Variants in C12orf50 observed in about 807,000 individuals in gnomAD.
C12orf50 encodes the protein uncharacterized protein C12orf50.
In C12orf50, 35 loss-of-function variants were observed where a neutral mutation model predicts 61.6. The observed-to-expected ratio is 0.57, with a 90% CI of 0.43 to 0.75. The LOEUF (loss-of-function observed/expected upper bound fraction) is 0.75, where lower values mean the gene tolerates loss of function less well. Among genes scored for constraint, C12orf50 ranks in the 30% least tolerant of loss-of-function variants. C12orf50 has a pLI of 0.00. For synonymous variants in C12orf50, 178 were observed against 161.5 expected (o/e 1.10, Z -0.77); for missense variants, 475 against 488.5 (o/e 0.97, Z 0.26).
chr12:88,000,731 G>T (rs1018310545), intron 3 of C12orf50, among the ~76,000 whole-genome samples: 1 of 151,318 alleles, frequency 6.6e-6, no homozygotes, highest in South Asian at 2.1e-4. Context: ...TGTAGTTTTC[G>T]AATATAAACT....
At chr12:88,022,385 C>A (rs1408729140) in intron 3 of C12orf50, among the ~76,000 whole-genome samples, 1 of 152,106 alleles carries the variant, frequency 6.6e-6, no homozygotes, top group East Asian at 1.9e-4. Context: ...GTAAAACCCA[C>A]AGCCTACATC....
intron 3 of C12orf50, among the ~76,000 whole-genome samples, chr12:88,001,100 G>A (rs2031636949): frequency 6.6e-6 from 1 of 151,622 alleles, no homozygotes; most frequent in Admixed American, 6.6e-5. Flanking sequence ...AAAGCTTTCA[G>A]TATTTCATCA....
intron 3 of C12orf50, among the ~76,000 whole-genome samples, chr12:88,023,248 G>A (rs181726984): frequency 0.081 from 12,372 of 152,052 alleles, 1,324 homozygotes; most frequent in African/African-American, 0.25. Context: ...ACAAAAATAA[G>A]AAACAGGGAG....
intron 3 of C12orf50, among the ~76,000 whole-genome samples, chr12:88,000,718 T>C (rs2136440224): frequency 6.6e-6 from 1 of 151,804 alleles, no homozygotes; most frequent in South Asian, 2.1e-4. Flanking sequence ...TTCAACAATC[T>C]TTTGTAGTTT....
At chr12:88,003,999 A>G (rs73207043) in intron 3 of C12orf50, among the ~76,000 whole-genome samples, 2,785 of 151,738 alleles carry the variant, frequency 0.018, 43 homozygotes, top group Non-Finnish European at 0.028. Flanking sequence ...TTTATCTTCA[A>G]ATCTACTGGT....
chr12:87,981,752 G>T (rs1323708321), intron 12 of C12orf50, among the ~76,000 whole-genome samples: 1 of 151,966 alleles, frequency 6.6e-6, no homozygotes, highest in Admixed American at 6.6e-5. Context: ...AGGCTCACAG[G>T]AATGTGAGAT....
chr12:87,996,246 T>C, intron 6 of C12orf50, 128 bp downstream of exon 6: 1 of 698,066 alleles, frequency 1.4e-6, no homozygotes, highest in Non-Finnish European at 2.4e-6. Context: ...ACAAACACTT[T>C]CTTCTAGTGC....
intron 3 of C12orf50, among the ~76,000 whole-genome samples, chr12:88,006,106 CAG>C (rs1847181651): frequency 6.6e-6 from 1 of 151,866 alleles, no homozygotes; most frequent in Non-Finnish European, 1.5e-5. Flanking sequence ...TTAGTAGAGA[CAG>C]GGTTTCACCG....
At chr12:88,013,141 AAG>A (rs1240341018) in intron 3 of C12orf50, among the ~76,000 whole-genome samples, 7 of 152,278 alleles carry the variant, frequency 4.6e-5, no homozygotes, top group African/African-American at 1.4e-4. Context: ...GATTTTTAAA[AAG>A]AGATTAAATA....
intron 3 of C12orf50, among the ~76,000 whole-genome samples, chr12:88,022,401 G>A (rs1315412930): frequency 6.6e-6 from 1 of 152,052 alleles, no homozygotes; most frequent in Non-Finnish European, 1.5e-5. Context: ...ACATCAGACT[G>A]AATAAGCAAA....
Position 87,994,669 on chromosome 12 carries a change from T to G in C12orf50, c.556A>C (p.Lys186Gln). The G allele has an allele frequency of 6.2e-7, 1 of 1,613,322 alleles. No individual in the cohort carries two copies. Among genetic ancestry groups the G allele is most frequent in the Non-Finnish European group, 8.5e-7 (1 of 1,179,484 alleles). ...QGEIKTSLHG[K>Q]PKTDIAAFEN... ...AAAGCAGCAATGTCAGTCTTTGGTTTCCCATGCAATGATGTTTTTATTTCA... is the reference window on the plus strand; with the variant it reads ...AAAGCAGCAATGTCAGTCTTTGGTTGCCCATGCAATGATGTTTTTATTTCA... Residue 186 changes from lysine to glutamine, a missense_variant, in exon 7 of 13, where the codon AAA becomes CAA. Physicochemically the swap from Lys to Gln is moderately conservative, Grantham distance 53. Transcript: ENST00000298699.
chr12:88,015,416 C>T (rs189003475), intron 3 of C12orf50, among the ~76,000 whole-genome samples: 2 of 152,174 alleles, frequency 1.3e-5, no homozygotes, highest in African/African-American at 4.8e-5. Context: ...TTGTCCAAGG[C>T]ATCACTGGAC....
chr12:88,022,904 C>A (rs2032568500), intron 3 of C12orf50, among the ~76,000 whole-genome samples: 1 of 152,082 alleles, frequency 6.6e-6, no homozygotes, highest in Admixed American at 6.5e-5. Context: ...TAGGAAGAAT[C>A]AACACCATGA....
intron 3 of C12orf50, among the ~76,000 whole-genome samples, chr12:88,014,948 C>CT (rs540845180): frequency 1.1e-4 from 17 of 152,188 alleles, no homozygotes; most frequent in Non-Finnish European, 2.5e-4. Flanking sequence ...TTAAACATGA[C>CT]TAACAAATGT....
At chr12:88,006,158 CGCCCACATCG>C (rs2031872448) in intron 3 of C12orf50, among the ~76,000 whole-genome samples, 2 of 152,018 alleles carry the variant, frequency 1.3e-5, no homozygotes, top group South Asian at 4.2e-4. Context: ...CCTCGTGATC[CGCCCACATCG>C]GCCTCCCAAA....
intron 9 of C12orf50, 69 bp downstream of exon 9, chr12:87,987,781 A>T: frequency 2.9e-6 from 3 of 1,028,236 alleles, no homozygotes; most frequent in Non-Finnish European, 4.4e-6. Context: ...TCTATTTTAA[A>T]TAAGCAAAAC....
intron 3 of C12orf50, among the ~76,000 whole-genome samples, chr12:88,021,531 G>T (rs181279282): frequency 3.9e-4 from 60 of 152,134 alleles, no homozygotes; most frequent in African/African-American, 1.4e-3. Flanking sequence ...CCAGCTACTT[G>T]GGAGGCTGAA....
intron 3 of C12orf50, among the ~76,000 whole-genome samples, chr12:88,026,191 C>T (rs916690040): frequency 6.6e-6 from 1 of 152,142 alleles, no homozygotes; most frequent in Non-Finnish European, 1.5e-5. Flanking sequence ...TTTGCTGAGA[C>T]ACAGCCTCCT....
At chr12:87,999,901 T>A (rs1406948886) in intron 3 of C12orf50, among the ~76,000 whole-genome samples, 2 of 152,102 alleles carry the variant, frequency 1.3e-5, no homozygotes, top group Non-Finnish European at 1.5e-5. Context: ...TTTGAAAACA[T>A]GCTAAGAGGA....
Sources: gnomAD v4.1 joint callset for allele counts (sites outside exome capture counted in the v4.1 genomes callset) on GRCh38, gnomAD v4.1.1 for gene constraint, MANE v1.5 for transcripts, NCBI Gene and HGNC (gene_info 2026-07-23, HGNC 2026-07-21) for gene names.